The following ITGBL1 variants were observed in gnomAD, a reference collection of about 807,000 sequenced individuals.
ITGBL1 encodes the protein integrin subunit beta like 1.
A neutral mutation model predicts 68.5 loss-of-function variants in ITGBL1; 51 were observed. The ratio of observed to expected loss-of-function variants is 0.74; its 90% CI spans 0.59 to 0.94. The LOEUF (loss-of-function observed/expected upper bound fraction) is 0.94, where lower values mean the gene tolerates loss of function less well. ITGBL1 is among the 40% of genes least tolerant of loss of function. The pLI, the probability that ITGBL1 is intolerant of heterozygous loss-of-function variation, is 0.00. For synonymous variants in ITGBL1, 209 were observed against 227.3 expected, an observed-to-expected ratio of 0.92 and a Z score of 0.72; for missense variants, 649 against 647.4, an observed-to-expected ratio of 1.00 and a Z score of -0.03.
rs538799451 is a variant in ITGBL1 at position 101,685,514 on chromosome 13, T to C, written c.1016-7071T>C. ...TTTATTATATTGTTTGTCTAATTTT[T>C]ATTAAATTGCACTTAAACTATAACA... On this transcript the variant is annotated intron_variant, in intron 7 of 10. Transcript: ENST00000376180. Among the ~76,000 whole-genome samples the C allele has an allele frequency of 2.0e-5, 3 of 152,252 alleles. No homozygotes were observed. The East Asian group carries it at 5.8e-4, about 29-fold the overall frequency.
At chr13:101,671,843 A>T (rs998750602) in intron 7 of ITGBL1, among the ~76,000 whole-genome samples, 4 of 152,172 alleles carry the variant, frequency 2.6e-5, no homozygotes, top group Non-Finnish European at 4.4e-5. Context: ...TTTTAATGGC[A>T]GTATATATGT....
At chr13:101,544,502 G>T (rs2049779991) in intron 2 of ITGBL1, among the ~76,000 whole-genome samples, 1 of 152,224 alleles carries the variant, frequency 6.6e-6, no homozygotes, top group Admixed American at 6.5e-5. Context: ...TCGGGGGTCA[G>T]GGACCCACTT....
At chr13:101,661,739 TA>T (rs1362306981) in intron 7 of ITGBL1, among the ~76,000 whole-genome samples, 7 of 152,182 alleles carry the variant, frequency 4.6e-5, no homozygotes, top group South Asian at 4.1e-4. Flanking sequence ...CACCACCTAA[TA>T]TTTTTTTTCA....
chr13:101,718,169 C>G (rs996096702), downstream of ITGBL1: 1 of 152,016 alleles, frequency 6.6e-6, no homozygotes, highest in African/African-American at 2.4e-5. Flanking sequence ...CTAAGGAATG[C>G]TTTTTCTTTG....
At chr13:101,649,069 C>T (rs2032661555) in intron 7 of ITGBL1, among the ~76,000 whole-genome samples, 1 of 152,022 alleles carries the variant, frequency 6.6e-6, no homozygotes, top group Non-Finnish European at 1.5e-5. Flanking sequence ...CACTTTTATT[C>T]TTAATAAAGA....
chr13:101,503,626 T>C lies in ITGBL1; in HGVS notation c.316+49526T>C, dbSNP rs35726892. The stretch of plus-strand genomic sequence containing the variant: ...ACCTCCAACACACCCCCTAGGGGAG[T>C]ACACCCTGAGTTTCCCGAAAAATGA... On this transcript the variant is annotated intron_variant, in intron 2 of 10. Coordinates refer to ENST00000376180, the MANE Select transcript of ITGBL1 (RefSeq NM_004791.3). 1.6e-3 allele frequency among the ~76,000 whole-genome samples: 237 copies of C among 152,122 alleles called. 1 individual carries two copies. The highest frequency in any genetic ancestry group is 3.0e-3 in the Non-Finnish European group (201 of 67,978).
At chr13:101,526,891 A>G (rs1371236951) in intron 2 of ITGBL1, among the ~76,000 whole-genome samples, 1 of 152,128 alleles carries the variant, frequency 6.6e-6, no homozygotes, top group African/African-American at 2.4e-5. Flanking sequence ...TTTACTAAAA[A>G]TAAGAACATT....
intron 7 of ITGBL1, among the ~76,000 whole-genome samples, chr13:101,608,170 C>T (rs1594927118): frequency 6.6e-6 from 1 of 151,998 alleles, no homozygotes; most frequent in East Asian, 1.9e-4. Flanking sequence ...TATCAATTAG[C>T]ATGCTTTAAT....
chr13:101,705,526 C>T (rs1594996169), intron 8 of ITGBL1, among the ~76,000 whole-genome samples: 2 of 152,144 alleles, frequency 1.3e-5, no homozygotes, highest in Admixed American at 1.3e-4. Context: ...CACGTTCATG[C>T]TCTCAATTCT....
chr13:101,531,699 T>TGTTA (rs1478152531), intron 2 of ITGBL1, among the ~76,000 whole-genome samples: 1 of 118,794 alleles, frequency 8.4e-6, no homozygotes, highest in Non-Finnish European at 1.7e-5. Context: ...TTTTTTATTT[T>TGTTA]GTTATTTATT....
At chr13:101,672,593 A>G (rs1023051526) in intron 7 of ITGBL1, among the ~76,000 whole-genome samples, 8 of 152,188 alleles carry the variant, frequency 5.3e-5, no homozygotes, top group African/African-American at 1.9e-4. Context: ...CCCACACACA[A>G]TGTAAATGTC....
intron 7 of ITGBL1, among the ~76,000 whole-genome samples, chr13:101,630,061 A>T (rs1000741535): frequency 2.0e-5 from 3 of 152,110 alleles, no homozygotes; most frequent in African/African-American, 7.2e-5. Flanking sequence ...TGACCTTGTG[A>T]TCCACCCACA....
chr13:101,686,854 T>C (rs1566790758), intron 7 of ITGBL1, among the ~76,000 whole-genome samples: 1 of 152,130 alleles, frequency 6.6e-6, no homozygotes, highest in Admixed American at 6.6e-5. Context: ...CAAAATGCTA[T>C]TCAAAAATGC....
chr13:101,635,264 G>C (rs1353941337), intron 7 of ITGBL1, among the ~76,000 whole-genome samples: 1 of 151,986 alleles, frequency 6.6e-6, no homozygotes, highest in Non-Finnish European at 1.5e-5. Context: ...TAGTCACTGA[G>C]TTATTTCCAC....
intron 2 of ITGBL1, among the ~76,000 whole-genome samples, chr13:101,502,322 T>C (rs1188472758): frequency 2.6e-5 from 4 of 152,224 alleles, no homozygotes; most frequent in African/African-American, 4.8e-5. Flanking sequence ...GGCTAAGAAA[T>C]TAGTCTGTGG....
intron 2 of ITGBL1, among the ~76,000 whole-genome samples, chr13:101,458,149 A>G (rs1010206522): frequency 2.6e-5 from 4 of 152,194 alleles, no homozygotes; most frequent in Non-Finnish European, 5.9e-5. Flanking sequence ...ACAGAGAAAT[A>G]CCAGATATCT....
chr13:101,702,807 C>T (rs1177313234), intron 8 of ITGBL1, among the ~76,000 whole-genome samples: 3 of 152,232 alleles, frequency 2.0e-5, no homozygotes, highest in Admixed American at 2.0e-4. Context: ...AGATGGACAA[C>T]TTTTTATTTA....
At chr13:101,648,790 G>A (rs1388585307) in intron 7 of ITGBL1, among the ~76,000 whole-genome samples, 2 of 152,022 alleles carry the variant, frequency 1.3e-5, no homozygotes, top group South Asian at 4.1e-4. Flanking sequence ...TTCAAAAATT[G>A]ATCTACAGTA....
chr13:101,589,704 G>C lies in ITGBL1; in HGVS notation c.868+6348G>C, dbSNP rs373165017. Among the ~76,000 whole-genome samples, 19 of 152,280 alleles carry C rather than the reference G, an allele frequency of 1.2e-4. No individual in the cohort carries two copies. The East Asian group carries it at 3.3e-3, about 26-fold the overall frequency. ...ATTCATCCCAATGTGCAAGCAATTG[G>C]CTGCAGGTGTGTTATTGAGAAGATT... On this transcript the variant is annotated intron_variant, in intron 6 of 10. Transcript: ENST00000376180.
Sources: gnomAD v4.1 joint callset for allele counts (sites outside exome capture counted in the v4.1 genomes callset) on GRCh38, gnomAD v4.1.1 for gene constraint, MANE v1.5 for transcripts, NCBI Gene and HGNC (gene_info 2026-07-23, HGNC 2026-07-21) for gene names.